The following FRMD4A variants were observed in gnomAD, a reference collection of about 807,000 sequenced individuals.
FRMD4A encodes the protein FERM domain containing 4A, also known as FERM domain-containing protein 4A.
In FRMD4A, 29 loss-of-function variants were observed where a neutral mutation model predicts 129.1. The observed-to-expected ratio is 0.22, with a 90% CI of 0.17 to 0.31. The LOEUF (loss-of-function observed/expected upper bound fraction) is 0.31. FRMD4A is among the 10% of genes least tolerant of loss of function. The probability of loss-of-function intolerance (pLI) is 1.00; values close to 1 mark genes in which losing one functional copy is unlikely to be tolerated. For missense variants in FRMD4A, 1,272 were observed against 1,375.8 expected (o/e 0.92, Z 1.19); for synonymous variants, 634 against 571.6 (o/e 1.11, Z -1.56).
intron 2 of FRMD4A, among the ~76,000 whole-genome samples, chr10:14,305,074 TC>T (rs1846305379): frequency 1.3e-5 from 2 of 152,234 alleles, no homozygotes; most frequent in South Asian, 4.1e-4. Flanking sequence ...AGGGTCCGCT[TC>T]TGGGGGAAAC....
rs10706168 is a variant in FRMD4A at position 13,728,573 on chromosome 10, C to CT, written c.759+9270dup. Among the ~76,000 whole-genome samples the CT allele has an allele frequency of 1.1e-3, 86 of 78,354 alleles. 11 individuals carry two copies. The highest frequency in any genetic ancestry group is 3.5e-3 in the African/African-American group (74 of 21,264). 51.4% of individuals were successfully genotyped at this position (78,354 alleles called of 152,430 possible). On this transcript the variant is annotated intron_variant, in intron 12 of 24. Transcript: ENST00000357447. Reference sequence around the variant, plus strand: ...TCAGTGCTTTCAGGTGATTACCATTCTTTTTTTTTTTTTTTTTGAGATGGA... The same window carrying CT: ...TCAGTGCTTTCAGGTGATTACCATTCTTTTTTTTTTTTTTTTTTGAGATGGA...
intron 2 of FRMD4A, among the ~76,000 whole-genome samples, chr10:14,275,549 A>T (rs940945900): frequency 6.6e-6 from 1 of 152,268 alleles, no homozygotes; most frequent in African/African-American, 2.4e-5. Flanking sequence ...AAAAACATCC[A>T]AGGGCAGATA....
At chr10:13,670,141 C>T (rs765112732) in intron 17 of FRMD4A, among the ~76,000 whole-genome samples, 3 of 152,154 alleles carry the variant, frequency 2.0e-5, no homozygotes, top group Non-Finnish European at 4.4e-5. Context: ...ATGTTTTCCC[C>T]AAGCTCAACG....
chr10:14,281,437 G>A (rs544305026), intron 2 of FRMD4A, among the ~76,000 whole-genome samples: 7 of 152,386 alleles, frequency 4.6e-5, no homozygotes, highest in Non-Finnish European at 1.0e-4. Context: ...GGCCTTGGAA[G>A]AAACCAACCC....
At chr10:13,930,697 T>G (rs111989690) in intron 2 of FRMD4A, among the ~76,000 whole-genome samples, 1 of 152,160 alleles carries the variant, frequency 6.6e-6, no homozygotes, top group Non-Finnish European at 1.5e-5. Flanking sequence ...AGGGAAAGAA[T>G]GCTTAAATAG....
At chr10:13,828,747 C>G (rs11258659) in intron 3 of FRMD4A, among the ~76,000 whole-genome samples, 118,208 of 151,996 alleles carry the variant, frequency 0.78, 46,099 homozygotes, top group East Asian at 0.9. Context: ...GGTCAGGCTG[C>G]TCTTGAACTT....
intron 2 of FRMD4A, among the ~76,000 whole-genome samples, chr10:14,119,452 A>G (rs1564310191): frequency 6.6e-6 from 1 of 152,192 alleles, no homozygotes; most frequent in Non-Finnish European, 1.5e-5. Context: ...TCCCCTTCCT[A>G]AGACGTTCAT....
At chr10:13,687,016 T>TGTG (rs1337457351) in intron 15 of FRMD4A, among the ~76,000 whole-genome samples, 1 of 151,942 alleles carries the variant, frequency 6.6e-6, no homozygotes, top group Non-Finnish European at 1.5e-5. Flanking sequence ...CTTGGCCAGG[T>TGTG]GTGGTGGCTC....
intron 3 of FRMD4A, among the ~76,000 whole-genome samples, chr10:13,828,778 C>T (rs575341448): frequency 5.9e-5 from 9 of 152,230 alleles, no homozygotes; most frequent in South Asian, 4.1e-4. Context: ...GTGATCCGCC[C>T]GCCTTGGCCT....
intron 2 of FRMD4A, among the ~76,000 whole-genome samples, chr10:13,912,568 G>A (rs1248317362): frequency 1.4e-5 from 2 of 140,886 alleles, no homozygotes; most frequent in Non-Finnish European, 3.0e-5. Context: ...TCGCTCTGTC[G>A]CCCAGGCTAG....
intron 3 of FRMD4A, among the ~76,000 whole-genome samples, chr10:13,827,288 T>C (rs1381804911): frequency 1.3e-5 from 2 of 152,170 alleles, no homozygotes; most frequent in African/African-American, 2.4e-5. Context: ...ACCAGAAATG[T>C]GGCTGGCATG....
chr10:13,809,239 C>G (rs959346338), intron 4 of FRMD4A, among the ~76,000 whole-genome samples: 1 of 152,220 alleles, frequency 6.6e-6, no homozygotes, highest in African/African-American at 2.4e-5. Context: ...TCATCTTCCC[C>G]TTCAGCCCAG....
intron 2 of FRMD4A, among the ~76,000 whole-genome samples, chr10:14,215,744 G>C (rs943286361): frequency 1.3e-5 from 2 of 152,072 alleles, no homozygotes; most frequent in Non-Finnish European, 2.9e-5. Flanking sequence ...GCATATGAGC[G>C]AAGGTCTACA....
intron 2 of FRMD4A, among the ~76,000 whole-genome samples, chr10:14,325,311 A>C (rs919624837): frequency 6.6e-6 from 1 of 152,254 alleles, no homozygotes; most frequent in Non-Finnish European, 1.5e-5. Flanking sequence ...ATTAGATTAT[A>C]GTAATAGAAC....
intron 15 of FRMD4A, among the ~76,000 whole-genome samples, chr10:13,690,190 G>C (rs1244304533): frequency 6.6e-6 from 1 of 152,222 alleles, no homozygotes; most frequent in Non-Finnish European, 1.5e-5. Context: ...ATTGCAAGCA[G>C]CGGGGCTTGT....
intron 2 of FRMD4A, among the ~76,000 whole-genome samples, chr10:14,012,675 A>G (rs1342008179): frequency 6.6e-6 from 1 of 152,170 alleles, no homozygotes; most frequent in Admixed American, 6.5e-5. Flanking sequence ...AGCCACGTGA[A>G]GGGTAAATGA....
intron 15 of FRMD4A, chr10:13,685,315 G>A (rs2084968241): frequency 1.0e-6 from 1 of 984,946 alleles, no homozygotes. Context: ...AGATTCCATG[G>A]CTCACTGGCA....
At chr10:13,661,847 C>T (rs191752975) in intron 19 of FRMD4A, among the ~76,000 whole-genome samples, 1 of 152,268 alleles carries the variant, frequency 6.6e-6, no homozygotes, top group East Asian at 1.9e-4. Flanking sequence ...GCCCCTAAAT[C>T]CATTTCCAGC....
Position 13,890,437 on chromosome 10 carries a change from T to C in FRMD4A, c.46-31525A>G, listed in dbSNP as rs2094681733. On this transcript the variant is annotated intron_variant, in intron 2 of 24. Coordinates refer to ENST00000357447, the MANE Select transcript of FRMD4A (RefSeq NM_018027.5). The stretch of plus-strand genomic sequence containing the variant: ...TTGTCCCGGGCTCTCTGAGCGGTGC[T>C]TTCCCACAGATCAGTGATGCTGTTG... The C allele has an allele frequency of 6.5e-6, 5 of 765,598 alleles. No homozygotes were observed. In the African/African-American group the frequency reaches 9.5e-5, roughly 14 times the overall value. The allele number at this position is 765,598 out of a possible 1,614,324, so 47.4% of individuals were successfully genotyped here.
Sources: allele counts gnomAD v4.1 joint callset (sites outside exome capture counted in the v4.1 genomes callset), GRCh38; gene constraint gnomAD v4.1.1; transcripts MANE v1.5; gene names NCBI Gene and HGNC (gene_info 2026-07-23, HGNC 2026-07-21).